The following TASP1 variants were observed in gnomAD, a reference collection of about 807,000 sequenced individuals.
TASP1 encodes the protein taspase 1, also known as threonine aspartase 1.
A neutral mutation model predicts 56.6 loss-of-function variants in TASP1; 16 were observed. The ratio of observed to expected loss-of-function variants is 0.28; its 90% CI spans 0.19 to 0.43. TASP1 has a LOEUF of 0.43. Among genes scored for constraint, TASP1 ranks in the 20% least tolerant of loss-of-function variants. The probability of loss-of-function intolerance (pLI) is 1.00; values close to 1 mark genes in which losing one functional copy is unlikely to be tolerated. For missense variants in TASP1, 393 were observed against 511.6 expected (o/e 0.77, Z 2.24); for synonymous variants, 179 against 184.2 (o/e 0.97, Z 0.23).
the TASP1 span, among the ~76,000 whole-genome samples, chr20:13,238,480 G>GATCA: frequency 6.6e-6 from 1 of 152,024 alleles, no homozygotes; most frequent in African/African-American, 2.4e-5. Flanking sequence ...TAAACTCCTG[G>GATCA]ATCGATTATA....
chr20:13,629,272 G>T (rs957929494), intron 2 of TASP1, among the ~76,000 whole-genome samples: 2 of 150,664 alleles, frequency 1.3e-5, no homozygotes, highest in Non-Finnish European at 2.9e-5. Context: ...GCTGAGGCAG[G>T]TGAATTGCTT....
At chr20:13,303,088 T>C in the TASP1 span, among the ~76,000 whole-genome samples, 1 of 152,176 alleles carries the variant, frequency 6.6e-6, no homozygotes, top group African/African-American at 2.4e-5. Context: ...ATCCAGTCTA[T>C]AGATAAGGAA....
the TASP1 span, among the ~76,000 whole-genome samples, chr20:13,157,201 G>A: frequency 6.6e-6 from 1 of 151,692 alleles, no homozygotes; most frequent in East Asian, 1.9e-4. Context: ...ACTTTAGGAG[G>A]CTGAGGCAGA....
At chr20:13,420,598 T>C (rs890756516) in intron 12 of TASP1, among the ~76,000 whole-genome samples, 3 of 152,244 alleles carry the variant, frequency 2.0e-5, no homozygotes, top group African/African-American at 4.8e-5. Context: ...GAGAAATTAT[T>C]TCATTACTTG....
rs745619365 is a variant in TASP1, at chr20:13,603,684, A to C, written c.283-16314T>G. Among the ~76,000 whole-genome samples the C allele has an allele frequency of 3.3e-5, 5 of 152,364 alleles. No individual in the cohort carries two copies. In the South Asian group the frequency reaches 6.2e-4, roughly 19 times the overall value. ...ATACATAACGCAGTAAGACAATCCA[A>C]AGTTTTTAAGGGGCAAACAGTTTTA... is the stretch of plus-strand genomic sequence containing the variant. On this transcript the variant is annotated intron_variant, in intron 4 of 13. Transcript: ENST00000337743.
the TASP1 span, chr20:13,165,720 A>G: frequency 3.9e-5 from 6 of 152,170 alleles, no homozygotes; most frequent in Non-Finnish European, 7.3e-5. Flanking sequence ...ATTAGTTGTC[A>G]TTTTCCTATT....
chr20:13,352,685 G>A, the TASP1 span, among the ~76,000 whole-genome samples: 1 of 152,146 alleles, frequency 6.6e-6, no homozygotes, highest in Non-Finnish European at 1.5e-5. Flanking sequence ...AAAGCAAACC[G>A]TGGCATGTTG....
intron 3 of TASP1, among the ~76,000 whole-genome samples, chr20:13,624,656 G>A (rs1437339856): frequency 6.6e-6 from 1 of 152,048 alleles, no homozygotes; most frequent in Non-Finnish European, 1.5e-5. Context: ...GTCCATTCCT[G>A]TCCCCACATT....
At chr20:13,199,518 A>G in the TASP1 span, among the ~76,000 whole-genome samples, 92 of 152,106 alleles carry the variant, frequency 6.0e-4, 2 homozygotes, top group East Asian at 0.017. Context: ...ACATACATAA[A>G]CCTGTTTATC....
intron 10 of TASP1, among the ~76,000 whole-genome samples, chr20:13,515,452 T>C (rs1470981617): frequency 6.6e-6 from 1 of 151,342 alleles, no homozygotes; most frequent in Non-Finnish European, 1.5e-5. Flanking sequence ...TGGCATTATC[T>C]GGGAGCTTGC....
At chr20:13,162,383 C>T in the TASP1 span, among the ~76,000 whole-genome samples, 19 of 152,256 alleles carry the variant, frequency 1.2e-4, no homozygotes, top group African/African-American at 4.6e-4. Context: ...CTGCAAAACA[C>T]CTGCTTTGAA....
intron 11 of TASP1, among the ~76,000 whole-genome samples, chr20:13,441,911 T>C (rs2043225269): frequency 6.6e-6 from 1 of 152,162 alleles, no homozygotes; most frequent in Non-Finnish European, 1.5e-5. Context: ...AAAAGAGATA[T>C]GCATCCCAGC....
At chr20:13,493,403 A>G (rs1361182134) in intron 10 of TASP1, among the ~76,000 whole-genome samples, 1 of 152,188 alleles carries the variant, frequency 6.6e-6, no homozygotes, top group African/African-American at 2.4e-5. Context: ...AGCAAAGACA[A>G]AGCAGGGGGA....
chr20:13,411,442 G>A, intron 13 of TASP1, among the ~76,000 whole-genome samples: 1 of 152,134 alleles, frequency 6.6e-6, no homozygotes. Context: ...ATTTGTCTGT[G>A]TCCTCTTCAA....
chr20:13,506,820 T>C lies in TASP1; in HGVS notation c.874+21613A>G, dbSNP rs139062062. On this transcript the variant is annotated intron_variant, in intron 10 of 13. Transcript: ENST00000337743. ...TCTAACATCAGGAACAAGATAAGGA[T>C]ACCCACTCTCATCACTTCTTTTCAA... is the stretch of plus-strand genomic sequence containing the variant. Among the ~76,000 whole-genome samples, 447 of 151,484 alleles carry C rather than the reference T, an allele frequency of 3.0e-3. 1 individual carries two copies. The highest frequency in any genetic ancestry group is 4.9e-3 in the Non-Finnish European group (334 of 67,856).
At chr20:13,303,447 A>G in the TASP1 span, among the ~76,000 whole-genome samples, 85,328 of 152,086 alleles carry the variant, frequency 0.56, 25,364 homozygotes, top group African/African-American at 0.76. Flanking sequence ...CCATGGGTGA[A>G]AACAAAGATG....
At chr20:13,110,860 A>G in the TASP1 span, among the ~76,000 whole-genome samples, 1 of 152,168 alleles carries the variant, frequency 6.6e-6, no homozygotes, top group African/African-American at 2.4e-5. Context: ...GATATCTCCT[A>G]TAATGATAGA....
At chr20:13,599,530 G>A (rs1203556126) in intron 4 of TASP1, among the ~76,000 whole-genome samples, 4 of 152,276 alleles carry the variant, frequency 2.6e-5, no homozygotes, top group Admixed American at 6.5e-5. Context: ...CCTGTCAGGC[G>A]GTGGGGGGCT....
chr20:13,551,456 A>C (rs1003445151), intron 8 of TASP1, among the ~76,000 whole-genome samples: 3 of 152,244 alleles, frequency 2.0e-5, no homozygotes, highest in African/African-American at 7.2e-5. Flanking sequence ...ATGCTTGTGA[A>C]AAATGAAGAG....
Sources: allele counts gnomAD v4.1 joint callset (sites outside exome capture counted in the v4.1 genomes callset), GRCh38; gene constraint gnomAD v4.1.1; transcripts MANE v1.5; gene names NCBI Gene and HGNC (gene_info 2026-07-23, HGNC 2026-07-21).